Variants in PACS1 observed in about 807,000 individuals in gnomAD.
The protein encoded by PACS1 is phosphofurin acidic cluster sorting protein 1.
PACS1 carries 24 observed loss-of-function variants against 115.0 expected under a neutral mutation model. The observed-to-expected ratio is 0.21, with a 90% CI of 0.15 to 0.29. The LOEUF is 0.29. Ranked by LOEUF, PACS1 falls within the 10% of genes least tolerant of loss-of-function variation. The pLI is 1.00. For missense variants in PACS1, 838 were observed against 1,251.2 expected, an observed-to-expected ratio of 0.67 and a Z score of 4.98; for synonymous variants, 453 against 504.5, an observed-to-expected ratio of 0.90 and a Z score of 1.37.
intron 1 of PACS1, among the ~76,000 whole-genome samples, chr11:66,161,114 GTGT>G (rs777053645): frequency 2.0e-5 from 3 of 152,124 alleles, no homozygotes; most frequent in South Asian, 2.1e-4. Flanking sequence ...GTATGTGTTT[GTGT>G]TGTTGTTGTT....
chr11:66,147,420 A>C (rs1438953805), intron 1 of PACS1, among the ~76,000 whole-genome samples: 1 of 152,212 alleles, frequency 6.6e-6, no homozygotes, highest in Non-Finnish European at 1.5e-5. Context: ...AAGAACACCA[A>C]AATTGCCAAA....
chr11:66,227,180 T>A (rs1338659004), intron 10 of PACS1, among the ~76,000 whole-genome samples: 1 of 152,186 alleles, frequency 6.6e-6, no homozygotes, highest in African/African-American at 2.4e-5. Context: ...ATTCACTGGA[T>A]CCAGGGTCAA....
chr11:66,205,532 A>G (rs1027712547), intron 2 of PACS1, among the ~76,000 whole-genome samples: 2 of 151,946 alleles, frequency 1.3e-5, no homozygotes, highest in African/African-American at 4.9e-5. Context: ...ATAAATATAT[A>G]TGCCATGTAC....
At chr11:66,232,297 G>C (rs1855613020) in intron 14 of PACS1, 21 bp downstream of exon 14, 4 of 1,418,726 alleles carry the variant, frequency 2.8e-6, no homozygotes, top group Non-Finnish European at 4.0e-6. Context: ...AAACTGCGAG[G>C]CCATGTGGGG....
chr11:66,214,254 C>T (rs1565149823), intron 4 of PACS1, among the ~76,000 whole-genome samples: 1 of 152,118 alleles, frequency 6.6e-6, no homozygotes, highest in Non-Finnish European at 1.5e-5. Flanking sequence ...GTCTTTCTGT[C>T]CTGCTCAGTC....
intron 1 of PACS1, among the ~76,000 whole-genome samples, chr11:66,174,970 G>T (rs1197457897): frequency 6.6e-6 from 1 of 152,110 alleles, no homozygotes; most frequent in East Asian, 1.9e-4. Flanking sequence ...CACCAACATG[G>T]TGAAATCCTG....
At chr11:66,185,649 G>A (rs987120639) in intron 1 of PACS1, among the ~76,000 whole-genome samples, 1 of 152,210 alleles carries the variant, frequency 6.6e-6, no homozygotes, top group Non-Finnish European at 1.5e-5. Context: ...CACTGTAGCA[G>A]AGAGGTAGCT....
At chr11:66,095,334 G>GCAACTT (rs1857756179) in intron 1 of PACS1, among the ~76,000 whole-genome samples, 2 of 152,024 alleles carry the variant, frequency 1.3e-5, no homozygotes, top group African/African-American at 4.8e-5. Context: ...AAGCTGATAA[G>GCAACTT]CAACTTCAGC....
intron 1 of PACS1, among the ~76,000 whole-genome samples, chr11:66,140,493 G>A (rs9645684): frequency 0.21 from 31,258 of 152,030 alleles, 3,299 homozygotes; most frequent in Middle Eastern, 0.28. Flanking sequence ...GTACTCTGCC[G>A]TCACGGTGCA....
chr11:66,133,745 T>A (rs965917995), intron 1 of PACS1, among the ~76,000 whole-genome samples: 1 of 152,202 alleles, frequency 6.6e-6, no homozygotes, highest in Non-Finnish European at 1.5e-5. Context: ...CCTCAAGCGA[T>A]CCTCCTATCT....
At chr11:66,193,658 G>T in intron 2 of PACS1, 85 bp downstream of exon 2, 1 of 877,612 alleles carries the variant, frequency 1.1e-6, no homozygotes, top group Non-Finnish European at 1.9e-6. Flanking sequence ...AACACTACTG[G>T]GACCACCTCT....
intron 1 of PACS1, among the ~76,000 whole-genome samples, chr11:66,187,282 A>T (rs1407225180): frequency 6.6e-6 from 1 of 152,196 alleles, no homozygotes; most frequent in Non-Finnish European, 1.5e-5. Flanking sequence ...GGGGATTAGC[A>T]TACCCATCAT....
At chr11:66,125,264 G>A (rs1858543846) in intron 1 of PACS1, among the ~76,000 whole-genome samples, 1 of 152,056 alleles carries the variant, frequency 6.6e-6, no homozygotes, top group Non-Finnish European at 1.5e-5. Context: ...TGGGTGTTGG[G>A]TGCACCAAAA....
intron 2 of PACS1, among the ~76,000 whole-genome samples, chr11:66,194,544 A>G (rs185247988): frequency 1.3e-5 from 2 of 152,302 alleles, no homozygotes; most frequent in Admixed American, 6.5e-5. Context: ...ACCAGAAACT[A>G]AAGAGTGGGT....
chr11:66,089,961 G>A (rs1325086452), intron 1 of PACS1, among the ~76,000 whole-genome samples: 8 of 130,584 alleles, frequency 6.1e-5, no homozygotes, highest in African/African-American at 1.5e-4. Flanking sequence ...AGCCAAGATC[G>A]CGCCACTGCA....
At chr11:66,224,453 C>T (rs146210669) in intron 10 of PACS1, among the ~76,000 whole-genome samples, 16 of 152,290 alleles carry the variant, frequency 1.1e-4, no homozygotes, top group African/African-American at 2.2e-4. Flanking sequence ...CAGACTGCTG[C>T]GTGGGGTGTG....
chr11:66,076,075 A>G (rs1857391643), intron 1 of PACS1, among the ~76,000 whole-genome samples: 1 of 152,098 alleles, frequency 6.6e-6, no homozygotes, highest in Non-Finnish European at 1.5e-5. Flanking sequence ...ACCTTAGGAG[A>G]TTTGAATTTC....
intron 1 of PACS1, among the ~76,000 whole-genome samples, chr11:66,178,010 T>C (rs1462039084): frequency 6.7e-6 from 1 of 149,092 alleles, no homozygotes; most frequent in East Asian, 1.9e-4. Flanking sequence ...TATTTAGATC[T>C]GCTTCATCTT....
rs1176211628 is a variant in PACS1 at position 66,070,578 on chromosome 11, A to AGCC, written c.101_103dup (p.Pro34dup). Reference sequence around the variant, plus strand: ...TCCGGGGTCGCCCAGTCCCCTCAGCAGCCGCCGCCGCAGCAGCAGCAGCAG... The same window carrying AGCC: ...TCCGGGGTCGCCCAGTCCCCTCAGCAGCCGCCGCCGCCGCAGCAGCAGCAGCAG... On this transcript the variant is annotated inframe_insertion, in exon 1 of 24. Coordinates refer to ENST00000320580, the MANE Select transcript of PACS1 (RefSeq NM_018026.4). This position sits in a 1 kb window ranked among gnomAD's most constrained non-coding sequence, Gnocchi z 5.9. 25 of 1,491,794 alleles carry AGCC rather than the reference A, an allele frequency of 1.7e-5. No individual in the cohort carries two copies. The Admixed American group carries it at 2.4e-4, about 14-fold the overall frequency. 92.4% of individuals were successfully genotyped at this position (1,491,794 alleles called of 1,614,324 possible).
Sources: allele counts gnomAD v4.1 joint callset (sites outside exome capture counted in the v4.1 genomes callset), GRCh38; gene constraint gnomAD v4.1.1; non-coding constraint Gnocchi (gnomAD v3.1); transcripts MANE v1.5; gene names NCBI Gene and HGNC (gene_info 2026-07-23, HGNC 2026-07-21).